The following AK7 variants were observed in gnomAD, a reference collection of about 807,000 sequenced individuals.
AK7 encodes the protein adenylate kinase 7.
AK7 carries 78 observed loss-of-function variants against 96.6 expected under a neutral mutation model. The ratio of observed to expected loss-of-function variants is 0.81; its 90% CI spans 0.67 to 0.97. The LOEUF (loss-of-function observed/expected upper bound fraction) is 0.97, where lower values mean the gene tolerates loss of function less well. Ranked by LOEUF, AK7 falls within the 50% of genes least tolerant of loss-of-function variation. The pLI is 0.00. For synonymous variants in AK7, 302 were observed against 317.2 expected (o/e 0.95, Z 0.51); for missense variants, 855 against 887.9 (o/e 0.96, Z 0.47).
At chr14:96,423,660 G>A in intron 5 of AK7, 1 of 634,632 alleles carries the variant, frequency 1.6e-6, no homozygotes, top group East Asian at 3.5e-5. Context: ...ACAGCTCGGG[G>A]CCTCCAGGAC....
intron 4 of AK7, among the ~76,000 whole-genome samples, chr14:96,418,265 A>G (rs2140032195): frequency 7.2e-6 from 1 of 139,820 alleles, no homozygotes; most frequent in East Asian, 2.3e-4. Flanking sequence ...TTGAGGCTGC[A>G]GTGCGCTGTG....
intron 5 of AK7, chr14:96,423,587 T>C: frequency 2.0e-6 from 1 of 498,114 alleles, no homozygotes; most frequent in Non-Finnish European, 3.8e-6. Context: ...TCAGGTCTTG[T>C]CTGTCCAAAG....
intron 4 of AK7, among the ~76,000 whole-genome samples, chr14:96,419,144 G>T (rs999761737): frequency 6.6e-6 from 1 of 152,196 alleles, no homozygotes; most frequent in Non-Finnish European, 1.5e-5. Flanking sequence ...TGAGGGACAG[G>T]TCAGTGAACT....
intron 14 of AK7, among the ~76,000 whole-genome samples, chr14:96,476,862 A>G (rs866900473): frequency 7.9e-5 from 12 of 152,230 alleles, no homozygotes; most frequent in South Asian, 4.1e-4. Flanking sequence ...TATTTTTGAA[A>G]TTCATAGATT....
chr14:96,442,389 C>T (rs759639297), intron 6 of AK7, among the ~76,000 whole-genome samples: 1 of 152,204 alleles, frequency 6.6e-6, no homozygotes, highest in Non-Finnish European at 1.5e-5. Flanking sequence ...GAATGCCATG[C>T]GTATAGCTAC....
At chr14:96,401,003 T>G (rs564913385) in intron 2 of AK7, among the ~76,000 whole-genome samples, 25 of 152,186 alleles carry the variant, frequency 1.6e-4, no homozygotes, top group Non-Finnish European at 3.5e-4. Flanking sequence ...TGCCCTTGAC[T>G]CCTGAATCCT....
intron 9 of AK7, among the ~76,000 whole-genome samples, chr14:96,450,106 C>G (rs1893503222): frequency 6.6e-6 from 1 of 151,986 alleles, no homozygotes; most frequent in Admixed American, 6.6e-5. Context: ...TGAATAACCC[C>G]CAGAGGTCCT....
intron 4 of AK7, among the ~76,000 whole-genome samples, chr14:96,410,477 T>C (rs1378204828): frequency 6.6e-6 from 1 of 152,280 alleles, no homozygotes; most frequent in Non-Finnish European, 1.5e-5. Flanking sequence ...TCACTGACTC[T>C]CTCTCTTTCT....
At chr14:96,487,383 CAAAAAAAAAAAAAAAAAGAA>C (rs1289406640) in intron 17 of AK7, among the ~76,000 whole-genome samples, 2 of 46,756 alleles carry the variant, frequency 4.3e-5, no homozygotes, top group African/African-American at 2.0e-4. Flanking sequence ...GACTCCGTCT[CAAAAAAAAAAAAAAAAAGAA>C]AAAAAAAGAA....
chr14:96,440,274 C>T (rs566403454), intron 6 of AK7, among the ~76,000 whole-genome samples: 5 of 152,078 alleles, frequency 3.3e-5, no homozygotes, highest in Non-Finnish European at 5.9e-5. Flanking sequence ...TGCCCGGCCT[C>T]GAACTGATTT....
At chr14:96,472,347 G>C (rs1045055265) in intron 13 of AK7, among the ~76,000 whole-genome samples, 3 of 152,146 alleles carry the variant, frequency 2.0e-5, no homozygotes, top group African/African-American at 4.8e-5. Context: ...TGTTATGGAG[G>C]TTTCACCCTG....
At chr14:96,477,476 C>A (rs947988683) in intron 14 of AK7, among the ~76,000 whole-genome samples, 3 of 152,362 alleles carry the variant, frequency 2.0e-5, no homozygotes, top group South Asian at 2.1e-4. Context: ...CACCCAGACA[C>A]TGATCTGGGC....
intron 4 of AK7, among the ~76,000 whole-genome samples, chr14:96,410,350 C>T (rs1407433947): frequency 6.6e-6 from 1 of 152,174 alleles, no homozygotes; most frequent in Admixed American, 6.5e-5. Context: ...GACTGGCTGA[C>T]CACTGTGCTA....
At chr14:96,458,581 A>G (rs1356045764) in intron 12 of AK7, among the ~76,000 whole-genome samples, 1 of 151,880 alleles carries the variant, frequency 6.6e-6, no homozygotes, top group East Asian at 1.9e-4. Context: ...TCTCTACTAA[A>G]AATACAAAAA....
intron 10 of AK7, 91 bp from the exon 11 acceptor site, chr14:96,456,256 A>AGC: frequency 6.9e-6 from 8 of 1,160,656 alleles, no homozygotes; most frequent in Non-Finnish European, 9.3e-6. Context: ...AAAAAAAAAA[A>AGC]AAAAAGCACT....
chr14:96,458,826 C>A (rs1361221008), intron 12 of AK7, among the ~76,000 whole-genome samples: 1 of 148,844 alleles, frequency 6.7e-6, no homozygotes. Context: ...AGGAGGATCA[C>A]CTGAGCCTGG....
In AK7 at chr14:96,487,969, A is replaced by C. The variant is rs111363764; in HGVS notation, c.2134-336A>C. The C allele has an allele frequency of 9.6e-4, 379 of 393,008 alleles. 2 individuals are homozygous for C. Among genetic ancestry groups the C allele is most frequent in the African/African-American group, 7.3e-3 (347 of 47,620 alleles). The allele number at this position is 393,008 out of a possible 1,614,324, so 24.3% of individuals were successfully genotyped here. ...CTCTTGTTGCTCAGGTTGGAATGCA[A>C]TGGCACAATCTCGGCTTACTGCAAC... On this transcript the variant is annotated intron_variant, in intron 17 of 17. Transcript: ENST00000267584.
chr14:96,458,103 C>T lies in AK7; in HGVS notation c.1248C>T (p.Asn416=), dbSNP rs757904723. 80 of 1,612,948 alleles carry T rather than the reference C, an allele frequency of 5.0e-5. No individual in the cohort carries two copies. The Middle Eastern group carries it at 5.0e-4, about 10-fold the overall frequency. Residue 416 remains asparagine, a synonymous_variant, in exon 12 of 18, where the codon AAC becomes AAT. Coordinates refer to ENST00000267584, the MANE Select transcript of AK7 (RefSeq NM_152327.5). ...IAKLEAIVAP[N]DVGEGEEEVE... is the part of the protein sequence containing the mutation. Reference sequence around the variant, plus strand: ...TGCAGGAGGCGATTGTTGCCCCTAACGATGTAGGGGAAGGAGAAGAAGAAG... The same window carrying T: ...TGCAGGAGGCGATTGTTGCCCCTAATGATGTAGGGGAAGGAGAAGAAGAAG...
At chr14:96,436,071 GC>G (rs1233933638) in intron 5 of AK7, among the ~76,000 whole-genome samples, 8 of 152,022 alleles carry the variant, frequency 5.3e-5, no homozygotes, top group African/African-American at 1.9e-4. Flanking sequence ...TTTCCATCCC[GC>G]CATCTTGCCC....
Sources: gnomAD v4.1 joint callset for allele counts (sites outside exome capture counted in the v4.1 genomes callset) on GRCh38, gnomAD v4.1.1 for gene constraint, MANE v1.5 for transcripts, NCBI Gene and HGNC (gene_info 2026-07-23, HGNC 2026-07-21) for gene names.